DACH2: variants seen among roughly 807,000 people sequenced by gnomAD.
DACH2 encodes the protein dachshund family transcription factor 2.
Under a neutral mutation model 35.8 loss-of-function variants are expected in DACH2, and 17 were observed. That is an observed-to-expected ratio of 0.48 (90% CI 0.33 to 0.71). The LOEUF (loss-of-function observed/expected upper bound fraction) is 0.71, where lower values mean the gene tolerates loss of function less well. Ranked by LOEUF, DACH2 falls within the 30% of genes least tolerant of loss-of-function variation. DACH2 has a pLI of 0.02. For synonymous variants in DACH2, 195 were observed against 177.3 expected (o/e 1.10, Z -0.79); for missense variants, 469 against 472.7 (o/e 0.99, Z 0.07).
At chrX:86,791,004 T>C (rs1242631369) in intron 7 of DACH2, among the ~76,000 whole-genome samples, 1 of 111,864 alleles carries the variant, frequency 8.9e-6, no homozygotes, top group Non-Finnish European at 1.9e-5. Flanking sequence ...AAGAAAATGT[T>C]ATTAAGCAAA....
intron 2 of DACH2, among the ~76,000 whole-genome samples, chrX:86,381,535 G>A (rs1182269773): frequency 3.6e-5 from 4 of 110,780 alleles, no homozygotes; most frequent in Non-Finnish European, 7.6e-5. Context: ...GAAAAAAAGA[G>A]TCATAAGTCC....
chrX:86,660,444 A>G (rs1160588424), intron 4 of DACH2, among the ~76,000 whole-genome samples: 2 of 111,841 alleles, frequency 1.8e-5, no homozygotes, highest in Non-Finnish European at 3.8e-5. Flanking sequence ...ACAAACAGGT[A>G]AAAAATAACA....
At chrX:86,376,243 A>G (rs2035966108) in intron 1 of DACH2, among the ~76,000 whole-genome samples, 2 of 108,509 alleles carry the variant, frequency 1.8e-5, no homozygotes, top group African/African-American at 6.7e-5. Flanking sequence ...CTCCAGAAAA[A>G]TGTATATAGT....
chrX:86,662,616 G>A lies in DACH2; in HGVS notation c.772+11449G>A, dbSNP rs765556307. ...TCAAAAAAAAAAAAAGGTGGGAGAT[G>A]GGGGTTATGTAAGTTCTTTCTACTG... On this transcript the variant is annotated intron_variant, in intron 4 of 11. Coordinates refer to ENST00000373125, the MANE Select transcript of DACH2 (RefSeq NM_053281.3). Among the ~76,000 whole-genome samples, 607 of 110,690 alleles carry A rather than the reference G, an allele frequency of 5.5e-3. 7 individuals carry two copies. Among genetic ancestry groups the A allele is most frequent in the African/African-American group, 0.019 (577 of 30,480 alleles).
intron 1 of DACH2, among the ~76,000 whole-genome samples, chrX:86,191,484 C>T (rs1024910285): frequency 9.0e-5 from 10 of 110,626 alleles, no homozygotes; most frequent in African/African-American, 2.3e-4. Context: ...TGTAGGGTAG[C>T]GGGTGGGAGG....
At chrX:86,223,382 T>C (rs1032215879) in intron 1 of DACH2, among the ~76,000 whole-genome samples, 1 of 111,753 alleles carries the variant, frequency 8.9e-6, no homozygotes, top group Admixed American at 9.5e-5. Flanking sequence ...TTTTGGTTTT[T>C]CTTGGTGTCT....
intron 4 of DACH2, among the ~76,000 whole-genome samples, chrX:86,651,847 A>G (rs1046804787): frequency 8.9e-6 from 1 of 111,916 alleles, no homozygotes; most frequent in Non-Finnish European, 1.9e-5. Flanking sequence ...GAATGGATGG[A>G]TGGACGGATG....
intron 3 of DACH2, among the ~76,000 whole-genome samples, chrX:86,611,673 G>A (rs1054828320): frequency 2.7e-5 from 3 of 110,916 alleles, no homozygotes; most frequent in Non-Finnish European, 5.7e-5. Context: ...CATTCAGCCC[G>A]GTTTTCCTTA....
chrX:86,396,824 A>G (rs1452837905), intron 2 of DACH2, among the ~76,000 whole-genome samples: 1 of 110,450 alleles, frequency 9.1e-6, no homozygotes, highest in Non-Finnish European at 1.9e-5. Context: ...AGGTAGTGTG[A>G]TGCCTCCAGC....
chrX:86,761,334 G>T (rs1370873370), intron 7 of DACH2, among the ~76,000 whole-genome samples: 1 of 111,454 alleles, frequency 9.0e-6, no homozygotes, highest in African/African-American at 3.3e-5. Context: ...TGAGGACGAT[G>T]GTTTCCAGCT....
chrX:86,411,927 C>A (rs774539672), intron 2 of DACH2, among the ~76,000 whole-genome samples: 16 of 111,035 alleles, frequency 1.4e-4, no homozygotes, highest in Non-Finnish European at 2.6e-4. Context: ...TGTAATCCTG[C>A]CTGGATTGCA....
At chrX:86,672,811 C>T (rs779129261) in intron 4 of DACH2, among the ~76,000 whole-genome samples, 2 of 111,734 alleles carry the variant, frequency 1.8e-5, no homozygotes, top group South Asian at 7.5e-4. Context: ...ACCACTGGGG[C>T]ACTGCTTAGT....
chrX:86,497,358 G>A (rs970047098), intron 2 of DACH2, among the ~76,000 whole-genome samples: 2 of 111,986 alleles, frequency 1.8e-5, no homozygotes, highest in African/African-American at 3.3e-5. Context: ...TAGATATAGA[G>A]TATGCAAGCT....
chrX:86,808,131 G>T (rs2147345257), intron 7 of DACH2, among the ~76,000 whole-genome samples: 1 of 111,978 alleles, frequency 8.9e-6, no homozygotes, highest in East Asian at 2.8e-4. Context: ...AAGCTTAAGT[G>T]TCCACTGTTT....
At chrX:86,186,847 C>T (rs748219770) in intron 1 of DACH2, among the ~76,000 whole-genome samples, 34 of 111,520 alleles carry the variant, frequency 3.0e-4, no homozygotes, top group Admixed American at 2.9e-3. Context: ...AATTTTAGGC[C>T]ATATGTGGAC....
intron 1 of DACH2, among the ~76,000 whole-genome samples, chrX:86,237,275 A>G (rs184718048): frequency 1.8e-5 from 2 of 111,875 alleles, no homozygotes; most frequent in Non-Finnish European, 3.8e-5. Context: ...CTTTTTTTTA[A>G]TAAGTAGAAG....
intron 1 of DACH2, among the ~76,000 whole-genome samples, chrX:86,232,015 C>A (rs2032959329): frequency 9.0e-6 from 1 of 111,368 alleles, no homozygotes; most frequent in African/African-American, 3.3e-5. Flanking sequence ...CTTTCAGCTT[C>A]TCCAGTGGGG....
intron 6 of DACH2, among the ~76,000 whole-genome samples, chrX:86,735,180 T>C (rs1052065071): frequency 1.8e-5 from 2 of 111,770 alleles, no homozygotes; most frequent in African/African-American, 6.5e-5. Flanking sequence ...CACATACATA[T>C]TACCACATGG....
chrX:86,396,180 T>C (rs1168154117), intron 2 of DACH2, among the ~76,000 whole-genome samples: 4 of 111,833 alleles, frequency 3.6e-5, no homozygotes, highest in Non-Finnish European at 7.5e-5. Context: ...GCTGCATAAA[T>C]GTCTTCTTTT....
Sources: gnomAD v4.1 joint callset for allele counts (sites outside exome capture counted in the v4.1 genomes callset) on GRCh38, gnomAD v4.1.1 for gene constraint, MANE v1.5 for transcripts, NCBI Gene and HGNC (gene_info 2026-07-23, HGNC 2026-07-21) for gene names.